The following TMEM106B variants were observed in gnomAD, a reference collection of about 807,000 sequenced individuals.
TMEM106B encodes transmembrane protein 106B.
A neutral mutation model predicts 31.1 loss-of-function variants in TMEM106B; 15 were observed. The ratio of observed to expected loss-of-function variants is 0.48; its 90% CI spans 0.32 to 0.74. The LOEUF (loss-of-function observed/expected upper bound fraction) is 0.74, where lower values mean the gene tolerates loss of function less well. TMEM106B is among the 30% of genes least tolerant of loss of function. The probability of loss-of-function intolerance (pLI) is 0.03; values close to 1 mark genes in which losing one functional copy is unlikely to be tolerated. For missense variants in TMEM106B, 283 were observed against 327.3 expected, an observed-to-expected ratio of 0.86 and a Z score of 1.04; for synonymous variants, 126 against 112.5, an observed-to-expected ratio of 1.12 and a Z score of -0.76.
chr7:12,224,142 G>A, intron 3 of TMEM106B, 84 bp from the exon 4 acceptor site: 1 of 1,265,710 alleles, frequency 7.9e-7, no homozygotes, highest in Non-Finnish European at 1.1e-6. Context: ...CTGATATATG[G>A]GGGAAATTGA....
rs1361514768 is a variant in TMEM106B at position 12,234,225 on chromosome 7, G to T, written c.*2250G>T. 2 of 151,758 alleles carry T rather than the reference G, an allele frequency of 1.3e-5. No individual in the cohort carries two copies. Among genetic ancestry groups the T allele is most frequent in the Non-Finnish European group, 1.5e-5 (1 of 67,750 alleles). The allele number at this position is 151,758 out of a possible 1,614,324, so 9.4% of individuals were successfully genotyped here. ...TCTGTGCTTCTTATATACTATTAGA[G>T]TGCATGATAGTATCTCCTGAAAAGG... On this transcript the variant is annotated 3_prime_UTR_variant, in exon 8 of 8. Coordinates refer to ENST00000396668, the MANE Select transcript of TMEM106B (RefSeq NM_001134232.2).
intron 2 of TMEM106B, among the ~76,000 whole-genome samples, chr7:12,216,211 G>GCCT (rs1781684602): frequency 6.6e-6 from 1 of 152,028 alleles, no homozygotes; most frequent in African/African-American, 2.4e-5. Context: ...CAGGGGGTAG[G>GCCT]GGAGTACTGT....
Position 12,234,630 on chromosome 7 carries a change from C to T in TMEM106B, c.*2655C>T, listed in dbSNP as rs1166718151. 1 of 151,874 alleles carries T rather than the reference C, an allele frequency of 6.6e-6. No individual in the cohort carries two copies. Among genetic ancestry groups the T allele is most frequent in the Non-Finnish European group, 1.5e-5 (1 of 67,808 alleles). 9.4% of individuals were successfully genotyped at this position (151,874 alleles called of 1,614,324 possible). ...ATAGGTATTAATACGCTTTTCTAAA[C>T]TGCTCTCAGACCTTATCCAGAGGAC... On this transcript the variant is annotated 3_prime_UTR_variant, in exon 8 of 8. Coordinates refer to ENST00000396668, the MANE Select transcript of TMEM106B (RefSeq NM_001134232.2).
chr7:12,220,391 CAG>C, intron 3 of TMEM106B, among the ~76,000 whole-genome samples: 1 of 152,188 alleles, frequency 6.6e-6, no homozygotes, highest in South Asian at 2.1e-4. Context: ...ATATCACAGA[CAG>C]AGGGCCAATA....
At chr7:12,221,367 G>C (rs1462693598) in intron 3 of TMEM106B, among the ~76,000 whole-genome samples, 1 of 152,104 alleles carries the variant, frequency 6.6e-6, no homozygotes, top group African/African-American at 2.4e-5. Flanking sequence ...GAGTACCTTT[G>C]ATGTAGTTTG....
intron 6 of TMEM106B, 22 bp downstream of exon 6, chr7:12,230,460 CTT>C: frequency 6.9e-7 from 1 of 1,446,016 alleles, no homozygotes. Flanking sequence ...TTTATAATAA[CTT>C]TTTATTGTCA....
intron 3 of TMEM106B, among the ~76,000 whole-genome samples, chr7:12,220,363 T>C (rs572077914): frequency 2.6e-5 from 4 of 152,202 alleles, no homozygotes; most frequent in Non-Finnish European, 4.4e-5. Context: ...GCAAACTAAG[T>C]AGTAAAGTTT....
At chr7:12,224,083 T>G (rs1781845706) in intron 3 of TMEM106B, 143 bp from the exon 4 acceptor site, 1 of 735,542 alleles carries the variant, frequency 1.4e-6, no homozygotes, top group Non-Finnish European at 2.3e-6. Context: ...TACCCAATAC[T>G]TTCAGATGTG....
At chr7:12,215,628 G>T in intron 2 of TMEM106B, 1 of 388,772 alleles carries the variant, frequency 2.6e-6, no homozygotes, top group Non-Finnish European at 5.4e-6. Flanking sequence ...ATGTTTCCCA[G>T]GATGATGTCG....
Position 12,224,581 on chromosome 7 carries a change from G to C in TMEM106B, c.441+196G>C, listed in dbSNP as rs989683656. Among the ~76,000 whole-genome samples the C allele has an allele frequency of 5.3e-5, 8 of 152,090 alleles. No individual in the cohort carries two copies. The East Asian group carries it at 1.5e-3, about 29-fold the overall frequency. On this transcript the variant is annotated intron_variant, in intron 4 of 7. Coordinates refer to ENST00000396668, the MANE Select transcript of TMEM106B (RefSeq NM_001134232.2). Reference sequence around the variant, plus strand: ...AGCAATAATAAATACTGGCAATTCTGTATATACAGAATGATTTAGCATTTG... The same window carrying C: ...AGCAATAATAAATACTGGCAATTCTCTATATACAGAATGATTTAGCATTTG...
rs1402928586 is a variant in TMEM106B, at chr7:12,238,728, A to C, written c.*6753A>C. On this transcript the variant is annotated 3_prime_UTR_variant, in exon 8 of 8. Coordinates refer to ENST00000396668, the MANE Select transcript of TMEM106B (RefSeq NM_001134232.2). ...TCAGAGCTGTTGGGTGACCAGGTACATTGTCAATGAGTAGTAATACTTTGA... is the reference window on the plus strand; with the variant it reads ...TCAGAGCTGTTGGGTGACCAGGTACCTTGTCAATGAGTAGTAATACTTTGA... 6.6e-6 allele frequency: 1 copy of C among 152,170 alleles called. No homozygotes were observed. The highest frequency in any genetic ancestry group is 1.5e-5 in the Non-Finnish European group (1 of 68,026). The allele number at this position is 152,170 out of a possible 1,614,324, so 9.4% of individuals were successfully genotyped here. A position where few individuals can be genotyped will look rare whatever the true frequency, so the allele number is the denominator to read the frequency against.
chr7:12,212,820 T>G (rs1355043801), intron 1 of TMEM106B, among the ~76,000 whole-genome samples: 1 of 152,222 alleles, frequency 6.6e-6, no homozygotes, highest in Admixed American at 6.5e-5. Context: ...TGAACTGACT[T>G]ACTTGGAATG....
chr7:12,220,619 A>G (rs541913404), intron 3 of TMEM106B, among the ~76,000 whole-genome samples: 2 of 152,356 alleles, frequency 1.3e-5, no homozygotes, highest in East Asian at 3.9e-4. Context: ...TGTTGACAAC[A>G]TACTTTGTTG....
At chr7:12,226,884 C>A (rs1057076113) in intron 4 of TMEM106B, among the ~76,000 whole-genome samples, 1 of 151,668 alleles carries the variant, frequency 6.6e-6, no homozygotes, top group South Asian at 2.1e-4. Context: ...CTCACTTAGC[C>A]CTTTGGAACA....
intron 4 of TMEM106B, among the ~76,000 whole-genome samples, chr7:12,224,942 GGT>G (rs1193716342): frequency 6.6e-6 from 1 of 151,742 alleles, no homozygotes; most frequent in Non-Finnish European, 1.5e-5. Flanking sequence ...TATGTATACA[GGT>G]GCCATGTTGG....
Position 12,224,305 on chromosome 7 carries a change from A to C in TMEM106B, c.361A>C (p.Ile121Leu). 6.2e-7 allele frequency: 1 copy of C among 1,613,992 alleles called. No individual in the cohort carries two copies. Among genetic ancestry groups the C allele is most frequent in the South Asian group, 1.1e-5 (1 of 91,084 alleles). Residue 121 changes from isoleucine to leucine, a missense_variant, in exon 4 of 8, where the codon ATC becomes CTC. By Grantham distance (5) the Ile-to-Leu change is conservative. This residue lies in a region of TMEM106B where 201 missense variants were observed against 211.5 expected (regional missense o/e 0.95). Transcript: ENST00000396668. The part of the protein sequence containing the change: ...LAVFFLFPRS[I>L]DVKYIGVKSA... ...TGTGTTTTTCCTTTTCCCTCGCTCT[A>C]TCGACGTGAAATACATTGGTGTAAA... is the stretch of plus-strand genomic sequence containing the variant.
rs750422744 is a variant in TMEM106B at position 12,231,032 on chromosome 7, C to G, written c.633-30C>G. ...TTTTAATTTATAATGTAGTAACTTG[C>G]ATTTGTTCACATTTTAATTTCTTTA... On this transcript the variant is annotated intron_variant, in intron 6 of 7. Transcript: ENST00000396668. 9 of 1,489,068 alleles carry G rather than the reference C, an allele frequency of 6.0e-6. No homozygotes were observed. In the South Asian group the frequency reaches 8.6e-5, roughly 14 times the overall value. 92.2% of individuals were successfully genotyped at this position (1,489,068 alleles called of 1,614,324 possible).
chr7:12,234,163 A>G lies in TMEM106B; in HGVS notation c.*2188A>G, dbSNP rs1782084016. The G allele has an allele frequency of 6.6e-6, 1 of 151,800 alleles. No homozygotes were observed. Among genetic ancestry groups the G allele is most frequent in the African/African-American group, 2.4e-5 (1 of 41,404 alleles). The allele number at this position is 151,800 out of a possible 1,614,324, so 9.4% of individuals were successfully genotyped here. On this transcript the variant is annotated 3_prime_UTR_variant, in exon 8 of 8. Transcript: ENST00000396668. ...TTGCTTGTGTCTTTTAACCTTGGAA[A>G]ATTACATCGTGTAAATTAAACAGAT... is the stretch of plus-strand genomic sequence containing the variant.
At position 12,234,469 on chromosome 7, in the gene TMEM106B, G is replaced by A. The variant is rs1318531785; in HGVS notation, c.*2494G>A. The A allele has an allele frequency of 4.6e-5, 7 of 151,958 alleles. No individual in the cohort carries two copies. Among genetic ancestry groups the A allele is most frequent in the Admixed American group, 1.3e-4 (2 of 15,240 alleles). 9.4% of individuals were successfully genotyped at this position (151,958 alleles called of 1,614,324 possible). Reference sequence around the variant, plus strand: ...GTCAGAATAAGCCTGGAACAAAACAGGCTGTAAATTAATAAAACTACAAAC... The same window carrying A: ...GTCAGAATAAGCCTGGAACAAAACAAGCTGTAAATTAATAAAACTACAAAC... On this transcript the variant is annotated 3_prime_UTR_variant, in exon 8 of 8. Coordinates refer to ENST00000396668, the MANE Select transcript of TMEM106B (RefSeq NM_001134232.2).
Sources: allele counts gnomAD v4.1 joint callset (sites outside exome capture counted in the v4.1 genomes callset), GRCh38; gene constraint gnomAD v4.1.1; regional missense constraint gnomAD v4.1.1; transcripts MANE v1.5; gene names NCBI Gene and HGNC (gene_info 2026-07-23, HGNC 2026-07-21).